LRP2: variants seen among roughly 807,000 people sequenced by gnomAD.
LRP2 encodes the protein LDL receptor related protein 2.
LRP2 carries 172 observed loss-of-function variants against 531.0 expected under a neutral mutation model. That is an observed-to-expected ratio of 0.32 (90% CI 0.29 to 0.37). The LOEUF is 0.37. LRP2 is among the 10% of genes least tolerant of loss of function. The pLI is 1.00. For missense variants in LRP2, 5,167 were observed against 5,868.3 expected (o/e 0.88, Z 3.90); for synonymous variants, 1,992 against 2,027.6 (o/e 0.98, Z 0.47).
intron 58 of LRP2, among the ~76,000 whole-genome samples, chr2:169,171,022 C>T (rs980354418): frequency 2.7e-5 from 4 of 149,788 alleles, no homozygotes; most frequent in Admixed American, 6.7e-5. Flanking sequence ...CAGGCTCCTG[C>T]GTAGCTGGGA....
chr2:169,295,693 T>A (rs1422618500), intron 4 of LRP2, among the ~76,000 whole-genome samples: 3 of 152,222 alleles, frequency 2.0e-5, no homozygotes, highest in Non-Finnish European at 4.4e-5. Context: ...GCACACTTAG[T>A]ACAGGGGTGG....
intron 1 of LRP2, among the ~76,000 whole-genome samples, chr2:169,327,217 A>C (rs867189291): frequency 1.2e-5 from 1 of 86,794 alleles, no homozygotes; most frequent in African/African-American, 5.4e-5. Context: ...CAGCCGCCCC[A>C]TCCGGGAGGG....
At chr2:169,336,101 GC>G (rs1487714456) in intron 1 of LRP2, among the ~76,000 whole-genome samples, 1 of 151,096 alleles carries the variant, frequency 6.6e-6, no homozygotes, top group East Asian at 1.9e-4. Context: ...TGCAATAAAT[GC>G]AAAAATATTA....
chr2:169,204,310 C>T, intron 41 of LRP2, 39 bp from the exon 42 acceptor site: 1 of 1,596,080 alleles, frequency 6.3e-7, no homozygotes, highest in Non-Finnish European at 8.5e-7. Context: ...GTTGAAATCT[C>T]AAGTGAGTTA....
Position 169,176,447 on chromosome 2 carries a change from C to T in LRP2, c.10535G>A (p.Cys3512Tyr), listed in dbSNP as rs767088692. The T allele has an allele frequency of 6.2e-6, 10 of 1,614,050 alleles. No individual in the cohort carries two copies. The highest frequency in any genetic ancestry group is 8.5e-6 in the Non-Finnish European group (10 of 1,180,054). The change falls in exon 54 of 79, where the codon TGC becomes TAC. Residue 3512 changes from cysteine (C) to tyrosine (Y), a missense_variant. By Grantham distance (194) the Cys-to-Tyr change is radical. Transcript: ENST00000649046. ...LSGSTYCMPM[C>Y]SSTQFLCANN... The stretch of plus-strand genomic sequence containing the variant: ...AGCGCACAGGAACTGGGTGCTGGAG[C>T]ACATGGGCATGCAGTAGGTGCTGCC...
At chr2:169,200,312 G>GCTAAGCTAT (rs1688161655) in intron 44 of LRP2, among the ~76,000 whole-genome samples, 1 of 152,080 alleles carries the variant, frequency 6.6e-6, no homozygotes, top group Non-Finnish European at 1.5e-5. Flanking sequence ...CCATTGAAAA[G>GCTAAGCTAT]GACTAGAAGC....
intron 50 of LRP2, among the ~76,000 whole-genome samples, chr2:169,183,877 A>G (rs1687531750): frequency 6.6e-6 from 1 of 152,200 alleles, no homozygotes; most frequent in Non-Finnish European, 1.5e-5. Flanking sequence ...ATTTCAGTGT[A>G]GCTAGTATCT....
chr2:169,157,515 A>C lies in LRP2; in HGVS notation c.11888-13T>G. 6.2e-7 allele frequency: 1 copy of C among 1,612,062 alleles called. No individual in the cohort carries two copies. The highest frequency in any genetic ancestry group is 8.5e-7 in the Non-Finnish European group (1 of 1,179,108). ...TCTTTTCCTTTATCTGAAAAACAAA[A>C]TCCCAGCATTACAAACCAGATCAGC... On this transcript the variant is annotated splice_polypyrimidine_tract_variant and intron_variant, in intron 63 of 78. Transcript: ENST00000649046.
At chr2:169,321,340 A>G (rs886440736) in intron 1 of LRP2, among the ~76,000 whole-genome samples, 35 of 152,154 alleles carry the variant, frequency 2.3e-4, no homozygotes, top group African/African-American at 8.4e-4. Flanking sequence ...ACATCTTTAT[A>G]TTGACATATT....
intron 4 of LRP2, among the ~76,000 whole-genome samples, chr2:169,302,006 T>C (rs985151206): frequency 4.6e-5 from 7 of 152,100 alleles, no homozygotes; most frequent in African/African-American, 1.7e-4. Flanking sequence ...AGGTACCTAA[T>C]ATATTCATTC....
intron 3 of LRP2, among the ~76,000 whole-genome samples, chr2:169,317,105 G>A (rs1684783743): frequency 6.6e-6 from 1 of 152,140 alleles, no homozygotes; most frequent in African/African-American, 2.4e-5. Flanking sequence ...TGGGAGAATT[G>A]CCTCATGAAA....
intron 17 of LRP2, among the ~76,000 whole-genome samples, chr2:169,258,031 A>G (rs959082810): frequency 2.6e-5 from 4 of 152,032 alleles, no homozygotes; most frequent in Non-Finnish European, 4.4e-5. Flanking sequence ...GTTAAGACAA[A>G]TTCATTAAAA....
chr2:169,289,915 G>A (rs1426717020), intron 8 of LRP2, among the ~76,000 whole-genome samples: 1 of 152,238 alleles, frequency 6.6e-6, no homozygotes, highest in African/African-American at 2.4e-5. Context: ...GTCTCTGCCT[G>A]TTTAAATATT....
At chr2:169,203,228 C>T (rs1688261185) in intron 42 of LRP2, among the ~76,000 whole-genome samples, 1 of 152,206 alleles carries the variant, frequency 6.6e-6, no homozygotes, top group Admixed American at 6.5e-5. Context: ...GCAACAACAT[C>T]AAAAGGCACA....
At chr2:169,313,248 T>C (rs1425517962) in intron 3 of LRP2, among the ~76,000 whole-genome samples, 1 of 152,220 alleles carries the variant, frequency 6.6e-6, no homozygotes, top group African/African-American at 2.4e-5. Context: ...GTTCTGTTGC[T>C]GGTGAGGAGC....
intron 70 of LRP2, among the ~76,000 whole-genome samples, chr2:169,143,056 C>CCAAA (rs1274414050): frequency 3.3e-5 from 5 of 152,118 alleles, no homozygotes; most frequent in Non-Finnish European, 7.3e-5. Context: ...TTCTCTGCTG[C>CCAAA]CCTGAGAGGT....
chr2:169,305,311 A>G (rs1684386693), intron 4 of LRP2, among the ~76,000 whole-genome samples: 1 of 152,226 alleles, frequency 6.6e-6, no homozygotes, highest in African/African-American at 2.4e-5. Context: ...TATATCTTCC[A>G]TGAACAGTAT....
At chr2:169,333,127 A>C (rs941133353) in intron 1 of LRP2, among the ~76,000 whole-genome samples, 8 of 152,230 alleles carry the variant, frequency 5.3e-5, no homozygotes, top group African/African-American at 7.2e-5. Context: ...TGAAGTCAAC[A>C]TTTTTAATAA....
Position 169,132,573 on chromosome 2 carries a change from C to T in LRP2, c.13728+1G>A. On this transcript the variant is annotated splice_donor_variant, in intron 77 of 78. Coordinates refer to ENST00000649046, the MANE Select transcript of LRP2 (RefSeq NM_004525.3). LOFTEE classifies it high-confidence loss of function. Reference sequence around the variant, plus strand: ...TTATTTCAGGAGTCGGCAACTGTTACCTGAGTTCCATCAGCAGCTGGTGAA... The same window carrying T: ...TTATTTCAGGAGTCGGCAACTGTTATCTGAGTTCCATCAGCAGCTGGTGAA... 1 of 1,580,328 alleles carries T rather than the reference C, an allele frequency of 6.3e-7. No individual in the cohort carries two copies. Among genetic ancestry groups the T allele is most frequent in the Non-Finnish European group, 8.7e-7 (1 of 1,149,204 alleles).
Sources: gnomAD v4.1 joint callset for allele counts (sites outside exome capture counted in the v4.1 genomes callset) on GRCh38, gnomAD v4.1.1 for gene constraint, MANE v1.5 for transcripts, NCBI Gene and HGNC (gene_info 2026-07-23, HGNC 2026-07-21) for gene names.